IMMT: variants seen among roughly 807,000 people sequenced by gnomAD.
IMMT encodes MICOS complex subunit MIC60.
A neutral mutation model predicts 92.7 loss-of-function variants in IMMT; 40 were observed. That is an observed-to-expected ratio of 0.43 (90% confidence interval 0.34 to 0.56). The LOEUF (loss-of-function observed/expected upper bound fraction) is 0.56. IMMT is among the 20% of genes least tolerant of loss of function. IMMT has a pLI of 0.03. For missense variants in IMMT, 831 were observed against 912.1 expected (o/e 0.91, Z 1.14); for synonymous variants, 322 against 336.1 (o/e 0.96, Z 0.46).
chr2:86,184,653 C>T (rs190579602), intron 1 of IMMT, among the ~76,000 whole-genome samples: 9 of 150,966 alleles, frequency 6.0e-5, no homozygotes, highest in East Asian at 1.9e-4. Flanking sequence ...GTGTTGGGGG[C>T]GGCAGAAGCT....
At chr2:86,147,648 T>G in intron 13 of IMMT, 54 bp downstream of exon 13, 2 of 1,532,536 alleles carry the variant, frequency 1.3e-6, no homozygotes, top group East Asian at 2.3e-5. Context: ...GAAAGGAGAG[T>G]CTCTTAATCC....
intron 14 of IMMT, among the ~76,000 whole-genome samples, chr2:86,145,494 CAA>C (rs10554362): frequency 0.024 from 1,813 of 76,050 alleles, 15 homozygotes; most frequent in African/African-American, 0.083. Context: ...GACTCTGTCT[CAA>C]AAAAAAAAAA....
chr2:86,148,862 C>T (rs1675247651), intron 12 of IMMT, among the ~76,000 whole-genome samples: 1 of 127,106 alleles, frequency 7.9e-6, no homozygotes, highest in African/African-American at 2.5e-5. Context: ...TGAATCCATT[C>T]AGTCAGTGCA....
Position 86,159,749 on chromosome 2 carries a change from T to A in IMMT, c.897-78A>T, listed in dbSNP as rs1342514001. On this transcript the variant is annotated intron_variant, in intron 8 of 14. Coordinates refer to ENST00000410111, the MANE Select transcript of IMMT (RefSeq NM_006839.3). ...AAAGTTTTGATGTCAGCACAGTATATAATTGTTAAAAGTCTATGAAACAGG... is the reference window on the plus strand; with the variant it reads ...AAAGTTTTGATGTCAGCACAGTATAAAATTGTTAAAAGTCTATGAAACAGG... 2.4e-6 allele frequency: 3 copies of A among 1,267,078 alleles called. No homozygotes were observed. The African/African-American group carries it at 4.6e-5, about 19-fold the overall frequency. The allele number at this position is 1,267,078 out of a possible 1,614,324, so 78.5% of individuals were successfully genotyped here.
chr2:86,187,543 G>GT (rs911945439), intron 1 of IMMT, among the ~76,000 whole-genome samples: 1 of 152,168 alleles, frequency 6.6e-6, no homozygotes, highest in East Asian at 1.9e-4. Flanking sequence ...TCATCTAAAA[G>GT]TTTTTGTTTG....
At chr2:86,159,479 A>G (rs1227451073) in intron 9 of IMMT, 57 bp downstream of exon 9, 1 of 1,313,216 alleles carries the variant, frequency 7.6e-7, no homozygotes, top group South Asian at 1.3e-5. Context: ...AATCCTTAAA[A>G]TCCTTTAAGA....
intron 7 of IMMT, among the ~76,000 whole-genome samples, chr2:86,163,150 C>T (rs1404337271): frequency 1.3e-5 from 2 of 151,770 alleles, no homozygotes; most frequent in Non-Finnish European, 2.9e-5. Context: ...AGTGAGACCC[C>T]ATTTCAACGA....
chr2:86,161,118 C>T (rs1676240561), intron 8 of IMMT, among the ~76,000 whole-genome samples: 1 of 143,680 alleles, frequency 7.0e-6, no homozygotes, highest in African/African-American at 2.6e-5. Context: ...AAAAAAAATC[C>T]TTTATATAAG....
chr2:86,179,471 C>T lies in IMMT; in HGVS notation c.271G>A (p.Gly91Ser), dbSNP rs767486826. 6.2e-7 allele frequency: 1 copy of T among 1,611,106 alleles called. No homozygotes were observed. Among genetic ancestry groups the T allele is most frequent in the South Asian group, 1.1e-5 (1 of 90,340 alleles). ...YSDKLFEMVL[G>S]PAAYNVPLPK... ...AATGGAACATTATAAGCTGCAGGAC[C>T]AAGAACCATCTCGAAGAGTTTGTCT... Residue 91 changes from glycine to serine, a missense_variant, in exon 3 of 15, where the codon GGT (glycine) becomes AGT (serine). Coordinates refer to ENST00000410111, the MANE Select transcript of IMMT (RefSeq NM_006839.3).
chr2:86,146,871 A>C (rs891890976), intron 13 of IMMT, among the ~76,000 whole-genome samples: 43 of 151,868 alleles, frequency 2.8e-4, no homozygotes, highest in Non-Finnish European at 3.5e-4. Flanking sequence ...AACGATTCTC[A>C]TGCCTCAGCC....
In IMMT at chr2:86,166,490, A is replaced by T; in HGVS notation, c.792+18T>A. 1 of 1,598,820 alleles carries T rather than the reference A, an allele frequency of 6.3e-7. No homozygotes were observed. Among genetic ancestry groups the T allele is most frequent in the Non-Finnish European group, 8.5e-7 (1 of 1,173,468 alleles). ...AGTCATGACAGCCAGAACACTTCTA[A>T]TCATTCATTGGGCTCACCTCAGAAT... On this transcript the variant is annotated intron_variant, in intron 7 of 14. Coordinates refer to ENST00000410111, the MANE Select transcript of IMMT (RefSeq NM_006839.3).
chr2:86,151,264 T>G, intron 12 of IMMT, 33 bp downstream of exon 12: 1 of 1,523,276 alleles, frequency 6.6e-7, no homozygotes, highest in Non-Finnish European at 9.1e-7. Flanking sequence ...AGAGTCACTT[T>G]AAATGTTAGG....
At chr2:86,187,720 G>A (rs1388233680) in intron 1 of IMMT, among the ~76,000 whole-genome samples, 1 of 151,972 alleles carries the variant, frequency 6.6e-6, no homozygotes, top group Non-Finnish European at 1.5e-5. Context: ...AGACCAGCCT[G>A]ACCAACATGG....
intron 8 of IMMT, 57 bp from the exon 9 acceptor site, chr2:86,159,728 T>C: frequency 7.0e-7 from 1 of 1,432,080 alleles, no homozygotes; most frequent in Non-Finnish European, 9.4e-7. Flanking sequence ...TATTAAAAAG[T>C]TTTGATGTCA....
At chr2:86,157,847 G>A (rs919139489) in intron 10 of IMMT, among the ~76,000 whole-genome samples, 4 of 150,362 alleles carry the variant, frequency 2.7e-5, no homozygotes, top group East Asian at 3.9e-4. Flanking sequence ...GTGTGGTGTC[G>A]CATGCTTGTA....
At chr2:86,167,873 T>C (rs1221269706) in intron 6 of IMMT, among the ~76,000 whole-genome samples, 1 of 152,078 alleles carries the variant, frequency 6.6e-6, no homozygotes, top group Non-Finnish European at 1.5e-5. Context: ...GTATTTCAAA[T>C]GGGAGAAACA....
chr2:86,194,219 G>C (rs1673372548), intron 1 of IMMT, among the ~76,000 whole-genome samples: 1 of 152,206 alleles, frequency 6.6e-6, no homozygotes, highest in African/African-American at 2.4e-5. Flanking sequence ...GAGAACCACA[G>C]CATGGCTAAT....
At chr2:86,146,615 G>A (rs1006852486) in intron 13 of IMMT, among the ~76,000 whole-genome samples, 2 of 151,950 alleles carry the variant, frequency 1.3e-5, no homozygotes, top group South Asian at 2.1e-4. Flanking sequence ...CGCCCACCTC[G>A]GCCTCCCAAA....
intron 4 of IMMT, 132 bp from the exon 5 acceptor site, chr2:86,171,477 T>C (rs557444168): frequency 1.3e-6 from 1 of 792,346 alleles, no homozygotes; most frequent in East Asian, 2.7e-5. Context: ...TACTGCCACA[T>C]GTTTGAATAA....
Sources: allele counts gnomAD v4.1 joint callset (sites outside exome capture counted in the v4.1 genomes callset), GRCh38; gene constraint gnomAD v4.1.1; transcripts MANE v1.5; gene names NCBI Gene and HGNC (gene_info 2026-07-23, HGNC 2026-07-21).